Variants in CRPPA observed in about 807,000 individuals in gnomAD.
The protein encoded by CRPPA is CDP-L-ribitol pyrophosphorylase A.
Under a neutral mutation model 52.0 loss-of-function variants are expected in CRPPA, and 43 were observed. The observed-to-expected ratio is 0.83, with a 90% CI of 0.65 to 1.07. CRPPA has a LOEUF of 1.07. Ranked by LOEUF, CRPPA falls within the 50% of genes least tolerant of loss-of-function variation. The probability of loss-of-function intolerance (pLI) is 0.00; values close to 1 mark genes in which losing one functional copy is unlikely to be tolerated. For missense variants in CRPPA, 629 were observed against 551.7 expected, an observed-to-expected ratio of 1.14 and a Z score of -1.40; for synonymous variants, 250 against 203.5, an observed-to-expected ratio of 1.23 and a Z score of -1.94.
chr7:16,246,541 AG>A (rs1783280384), intron 8 of CRPPA, among the ~76,000 whole-genome samples: 1 of 152,222 alleles, frequency 6.6e-6, no homozygotes, highest in Non-Finnish European at 1.5e-5. Flanking sequence ...GGGCAGTGAT[AG>A]CCTTACACAA....
At chr7:16,366,066 G>C (rs1786581291) in intron 3 of CRPPA, among the ~76,000 whole-genome samples, 1 of 152,172 alleles carries the variant, frequency 6.6e-6, no homozygotes, top group African/African-American at 2.4e-5. Context: ...CCAAGATCAA[G>C]GCTTCAGACC....
intron 1 of CRPPA, among the ~76,000 whole-genome samples, chr7:16,409,791 A>C (rs1018605462): frequency 1.7e-4 from 26 of 152,212 alleles, no homozygotes; most frequent in Non-Finnish European, 3.2e-4. Flanking sequence ...CTAAAAATGA[A>C]GCAATAAGAA....
chr7:16,178,832 T>A (rs1000227235), intron 9 of CRPPA, among the ~76,000 whole-genome samples: 6 of 152,234 alleles, frequency 3.9e-5, no homozygotes, highest in Admixed American at 3.3e-4. Flanking sequence ...ACGAACATCA[T>A]GTATTAATTG....
intron 3 of CRPPA, among the ~76,000 whole-genome samples, chr7:16,356,637 T>A (rs1055497432): frequency 6.6e-6 from 1 of 152,208 alleles, no homozygotes; most frequent in Non-Finnish European, 1.5e-5. Context: ...CTACATTTCA[T>A]ATTCAGGATA....
At chr7:16,389,801 A>C (rs1309262870) in intron 2 of CRPPA, among the ~76,000 whole-genome samples, 1 of 150,898 alleles carries the variant, frequency 6.6e-6, no homozygotes, top group Non-Finnish European at 1.5e-5. Flanking sequence ...AAGTAAAGCT[A>C]TCTCTATTTG....
chr7:16,238,698 A>G (rs1783017550), intron 8 of CRPPA, among the ~76,000 whole-genome samples: 1 of 152,216 alleles, frequency 6.6e-6, no homozygotes, highest in South Asian at 2.1e-4. Context: ...TGAAATAGGA[A>G]TACCATATCA....
intron 8 of CRPPA, among the ~76,000 whole-genome samples, chr7:16,237,597 C>T (rs1442653600): frequency 1.3e-5 from 2 of 152,294 alleles, no homozygotes; most frequent in South Asian, 2.1e-4. Flanking sequence ...CTCACTACCA[C>T]TATTATTTCT....
chr7:16,416,938 G>C (rs576367665), intron 1 of CRPPA, among the ~76,000 whole-genome samples: 1 of 152,184 alleles, frequency 6.6e-6, no homozygotes, highest in Non-Finnish European at 1.5e-5. Context: ...AATCTATAAG[G>C]AACTGTAAAC....
intron 9 of CRPPA, among the ~76,000 whole-genome samples, chr7:16,155,167 G>C (rs1783153777): frequency 6.6e-6 from 1 of 151,968 alleles, no homozygotes; most frequent in Non-Finnish European, 1.5e-5. Flanking sequence ...CTGCCACTTT[G>C]TCTGTATTGT....
At chr7:16,297,971 A>C (rs1382557169) in intron 5 of CRPPA, among the ~76,000 whole-genome samples, 1 of 152,202 alleles carries the variant, frequency 6.6e-6, no homozygotes, top group Non-Finnish European at 1.5e-5. Context: ...AATAACCCTG[A>C]TTAATACACT....
chr7:16,226,750 T>C (rs890287618), intron 8 of CRPPA, among the ~76,000 whole-genome samples: 1 of 151,926 alleles, frequency 6.6e-6, no homozygotes, highest in African/African-American at 2.4e-5. Flanking sequence ...CATACATTAG[T>C]TATGGAATGA....
chr7:16,171,582 A>G (rs910472977), intron 9 of CRPPA, among the ~76,000 whole-genome samples: 1 of 152,064 alleles, frequency 6.6e-6, no homozygotes, highest in Non-Finnish European at 1.5e-5. Flanking sequence ...CTGGCTAACA[A>G]GGTGAAACCC....
At chr7:16,262,496 G>A (rs1783835802) in intron 6 of CRPPA, among the ~76,000 whole-genome samples, 1 of 152,034 alleles carries the variant, frequency 6.6e-6, no homozygotes, top group South Asian at 2.1e-4. Context: ...TTCTTCTACA[G>A]AACAAAAAGG....
At chr7:16,129,447 CGTTG>C (rs1232950212) in intron 9 of CRPPA, among the ~76,000 whole-genome samples, 1 of 152,018 alleles carries the variant, frequency 6.6e-6, no homozygotes, top group African/African-American at 2.4e-5. Flanking sequence ...TGATCTCCTG[CGTTG>C]GTCAAATCCA....
chr7:16,278,064 A>T, intron 6 of CRPPA, 65 bp downstream of exon 6: 2 of 797,756 alleles, frequency 2.5e-6, no homozygotes, highest in East Asian at 5.3e-5. Flanking sequence ...TCCAAGAAAG[A>T]TATCTTTATA....
At chr7:16,099,414 G>C (rs1318720326) in intron 9 of CRPPA, among the ~76,000 whole-genome samples, 2 of 135,048 alleles carry the variant, frequency 1.5e-5, no homozygotes, top group African/African-American at 5.7e-5. Context: ...GGAGGGAAGG[G>C]GAGGGGAGGG....
rs1785702403 is a variant in CRPPA at position 16,337,132 on chromosome 7, T to C, written c.685-28505A>G. ...TATACTTTAGATCAAATGGACATAA[T>C]GGACATGTAGAGAACATTCGGTCCA... On this transcript the variant is annotated intron_variant, in intron 3 of 9. Coordinates refer to ENST00000407010, the MANE Select transcript of CRPPA (RefSeq NM_001101426.4). Among the ~76,000 whole-genome samples, 3 of 152,108 alleles carry C rather than the reference T, an allele frequency of 2.0e-5. No individual in the cohort carries two copies. In the South Asian group the frequency reaches 6.2e-4, roughly 32 times the overall value.
chr7:16,376,147 G>C lies in CRPPA; in HGVS notation c.629C>G (p.Ala210Gly). The change falls in exon 3 of 10, where the codon GCA (alanine) becomes GGA (glycine). Residue 210 changes from alanine to glycine, a missense_variant. By Grantham distance (60) the Ala-to-Gly change is moderately conservative. Transcript: ENST00000407010. The stretch of plus-strand genomic sequence containing the variant: ...TAGAAAAGCTTGGGGCATTTCACTT[G>C]CTCTGTGTCTGGCACGTTCTAGCGA... Reference protein sequence around the residue: ...DYSLERARHRASEMPQAFLFD... With the variant: ...DYSLERARHRGSEMPQAFLFD... The C allele has an allele frequency of 6.2e-7, 1 of 1,612,830 alleles. No homozygotes were observed. The highest frequency in any genetic ancestry group is 2.2e-5 in the East Asian group (1 of 44,836).
chr7:16,250,307 AT>A (rs370093899), intron 8 of CRPPA, among the ~76,000 whole-genome samples: 34 of 152,348 alleles, frequency 2.2e-4, no homozygotes, highest in African/African-American at 8.2e-4. Context: ...TCTGCAGGAT[AT>A]TAATCAGGAG....
Sources: allele counts gnomAD v4.1 joint callset (sites outside exome capture counted in the v4.1 genomes callset), GRCh38; gene constraint gnomAD v4.1.1; transcripts MANE v1.5; gene names NCBI Gene and HGNC (gene_info 2026-07-23, HGNC 2026-07-21).